Variants in GRID2 observed in about 807,000 individuals in gnomAD.
The protein encoded by GRID2 is glutamate ionotropic receptor delta type subunit 2, also known as glutamate receptor ionotropic, delta-2.
GRID2 carries 33 observed loss-of-function variants against 114.8 expected under a neutral mutation model. That is an observed-to-expected ratio of 0.29 (90% CI 0.22 to 0.38). The LOEUF (loss-of-function observed/expected upper bound fraction) is 0.38, where lower values mean the gene tolerates loss of function less well. GRID2 is among the 10% of genes least tolerant of loss of function. The pLI is 1.00. For missense variants in GRID2, 1,184 were observed against 1,257.7 expected, an observed-to-expected ratio of 0.94 and a Z score of 0.89; for synonymous variants, 505 against 449.9, an observed-to-expected ratio of 1.12 and a Z score of -1.55.
intron 1 of GRID2, among the ~76,000 whole-genome samples, chr4:92,405,389 T>C (rs1372922834): frequency 6.6e-6 from 1 of 152,178 alleles, no homozygotes; most frequent in East Asian, 1.9e-4. Flanking sequence ...ACTGACATTC[T>C]ATTAGCGGGG....
intron 4 of GRID2, among the ~76,000 whole-genome samples, chr4:93,129,978 C>T (rs1180228215): frequency 1.3e-5 from 2 of 152,166 alleles, no homozygotes. Context: ...GCTCTTTAAG[C>T]AAATTGACCA....
intron 1 of GRID2, among the ~76,000 whole-genome samples, chr4:92,341,116 A>G (rs941695078): frequency 2.6e-5 from 4 of 152,196 alleles, no homozygotes; most frequent in Non-Finnish European, 5.9e-5. Context: ...GGTATACAGT[A>G]GATAGTATAT....
In GRID2 at chr4:92,944,356, C is replaced by T. The variant is rs150659850; in HGVS notation, c.245-140639C>T. On this transcript the variant is annotated intron_variant, in intron 2 of 15. Coordinates refer to ENST00000282020, the MANE Select transcript of GRID2 (RefSeq NM_001510.4). ...CTAGCAATGAGTGAGGCTCCGTGGG[C>T]ATAGGACCCTCTGAGCCAGGTGCTG... Among the ~76,000 whole-genome samples the T allele has an allele frequency of 5.8e-3, 891 of 152,314 alleles. 4 individuals are homozygous for T. Among genetic ancestry groups the T allele is most frequent in the Non-Finnish European group, 8.0e-3 (541 of 68,030 alleles).
intron 11 of GRID2, among the ~76,000 whole-genome samples, chr4:93,473,975 T>C (rs1030581266): frequency 4.6e-5 from 7 of 152,124 alleles, no homozygotes; most frequent in African/African-American, 7.2e-5. Context: ...AGCAAAAATA[T>C]AACTCACCAT....
At chr4:92,329,993 A>AAGAGAG (rs3076580) in intron 1 of GRID2, among the ~76,000 whole-genome samples, 21,576 of 132,274 alleles carry the variant, frequency 0.16, 1,934 homozygotes, top group Admixed American at 0.25. Flanking sequence ...TATGGGAGGA[A>AAGAGAG]AGAGAGAGAG....
chr4:93,015,870 A>G (rs1294675085), intron 2 of GRID2, among the ~76,000 whole-genome samples: 1 of 152,090 alleles, frequency 6.6e-6, no homozygotes, highest in African/African-American at 2.4e-5. Context: ...CAACCCCCCA[A>G]ACAAAACAAA....
chr4:93,502,718 A>C (rs202179201), intron 12 of GRID2, among the ~76,000 whole-genome samples: 41 of 108,886 alleles, frequency 3.8e-4, no homozygotes, highest in East Asian at 2.1e-3. Flanking sequence ...CCCCCCCCCC[A>C]CACACACACG....
chr4:93,268,975 C>T (rs1450112394), intron 8 of GRID2, among the ~76,000 whole-genome samples: 1 of 152,022 alleles, frequency 6.6e-6, no homozygotes, highest in Non-Finnish European at 1.5e-5. Context: ...AGTTTTATGA[C>T]TGGACATCAT....
At chr4:92,485,551 A>C (rs1163485022) in intron 1 of GRID2, among the ~76,000 whole-genome samples, 3 of 151,120 alleles carry the variant, frequency 2.0e-5, no homozygotes, top group African/African-American at 7.3e-5. Context: ...TTAGCCAGGC[A>C]TGGTGTCACG....
intron 13 of GRID2, among the ~76,000 whole-genome samples, chr4:93,559,042 A>G (rs1021850287): frequency 1.3e-5 from 2 of 152,182 alleles, no homozygotes; most frequent in African/African-American, 4.8e-5. Flanking sequence ...ACACCCCTTC[A>G]TGCTAAAAAC....
chr4:93,008,904 A>G (rs1721836456), intron 2 of GRID2, among the ~76,000 whole-genome samples: 1 of 152,152 alleles, frequency 6.6e-6, no homozygotes, highest in Non-Finnish European at 1.5e-5. Context: ...AAAGTGGTTC[A>G]TAGGCCTTTG....
chr4:93,059,224 T>G (rs1727552623), intron 2 of GRID2, among the ~76,000 whole-genome samples: 1 of 152,136 alleles, frequency 6.6e-6, no homozygotes, highest in Admixed American at 6.6e-5. Context: ...TATAAAATGT[T>G]AATATTCCAA....
chr4:93,099,466 G>A (rs889430915), intron 3 of GRID2, among the ~76,000 whole-genome samples: 3 of 151,662 alleles, frequency 2.0e-5, no homozygotes, highest in African/African-American at 7.3e-5. Flanking sequence ...AATCTCCACT[G>A]TAATTTGTTA....
chr4:93,614,959 T>C (rs922263415), intron 13 of GRID2, among the ~76,000 whole-genome samples: 6 of 152,224 alleles, frequency 3.9e-5, no homozygotes, highest in Non-Finnish European at 8.8e-5. Context: ...CCTGTAATTT[T>C]TGGGGCTTCC....
At chr4:92,452,943 GGT>G (rs10591876) in intron 1 of GRID2, among the ~76,000 whole-genome samples, 97,322 of 146,628 alleles carry the variant, frequency 0.66, 33,945 homozygotes, top group East Asian at 0.86. Context: ...TAGACTGACA[GGT>G]GTGTGTGTGT....
intron 2 of GRID2, among the ~76,000 whole-genome samples, chr4:92,785,309 A>G (rs1006057818): frequency 2.0e-5 from 3 of 151,508 alleles, no homozygotes; most frequent in African/African-American, 2.4e-5. Context: ...CCTTGAATCT[A>G]TAAGTGGCAG....
intron 4 of GRID2, among the ~76,000 whole-genome samples, chr4:93,184,300 GA>G (rs919110880): frequency 5.9e-5 from 9 of 152,138 alleles, no homozygotes; most frequent in Admixed American, 1.3e-4. Flanking sequence ...TTTTAACAAC[GA>G]AAGGGGAGTG....
At chr4:93,663,012 A>G (rs959560033) in intron 14 of GRID2, among the ~76,000 whole-genome samples, 1 of 152,204 alleles carries the variant, frequency 6.6e-6, no homozygotes, top group African/African-American at 2.4e-5. Flanking sequence ...ACAGGTATCA[A>G]GCGAACTCAT....
chr4:93,145,833 A>G (rs1262264597), intron 4 of GRID2, among the ~76,000 whole-genome samples: 2 of 141,542 alleles, frequency 1.4e-5, no homozygotes, highest in African/African-American at 5.4e-5. Context: ...CAGGGTTTTC[A>G]TGCCCCAAAT....
Sources: allele counts gnomAD v4.1 joint callset (sites outside exome capture counted in the v4.1 genomes callset), GRCh38; gene constraint gnomAD v4.1.1; transcripts MANE v1.5; gene names NCBI Gene and HGNC (gene_info 2026-07-23, HGNC 2026-07-21).